PTPDC1: variants seen among roughly 807,000 people sequenced by gnomAD.
The protein encoded by PTPDC1 is protein tyrosine phosphatase domain containing 1.
In PTPDC1, 53 loss-of-function variants were observed where a neutral mutation model predicts 75.3. The ratio of observed to expected loss-of-function variants is 0.70; its 90% CI spans 0.56 to 0.88. The LOEUF is 0.88. Among genes scored for constraint, PTPDC1 ranks in the 40% least tolerant of loss-of-function variants. The probability of loss-of-function intolerance (pLI) is 0.00; values close to 1 mark genes in which losing one functional copy is unlikely to be tolerated. For synonymous variants in PTPDC1, 349 were observed against 366.2 expected (o/e 0.95, Z 0.54); for missense variants, 925 against 998.6 (o/e 0.93, Z 0.99).
intron 1 of PTPDC1, among the ~76,000 whole-genome samples, chr9:94,047,411 C>A (rs549358733): frequency 6.6e-6 from 1 of 152,098 alleles, no homozygotes; most frequent in African/African-American, 2.4e-5. Context: ...GGGACACATT[C>A]AAAGCAGTGT....
chr9:94,052,526 A>G lies in PTPDC1; in HGVS notation c.-6-12208A>G, dbSNP rs190991715. 3.1e-4 allele frequency among the ~76,000 whole-genome samples: 47 copies of G among 152,148 alleles called. No homozygotes were observed. In the East Asian group the frequency reaches 8.3e-3, roughly 27 times the overall value. ...TACTGATTTTTCTGCCTGCTTAATC[A>G]GTTACTGAGAGAAGGATGTTGAAGC... is the stretch of plus-strand genomic sequence containing the variant. On this transcript the variant is annotated intron_variant, in intron 1 of 9. Transcript: ENST00000375360.
At position 94,095,334 on chromosome 9, in the gene PTPDC1, G is replaced by C; in HGVS notation, c.634G>C (p.Gly212Arg). 3 of 1,602,322 alleles carry C rather than the reference G, an allele frequency of 1.9e-6. No individual in the cohort carries two copies. The highest frequency in any genetic ancestry group is 1.7e-5 in the Admixed American group (1 of 57,448). ...MEAGIYFYNFGWKDYGVASLT... is the reference protein window; with the variant it reads ...MEAGIYFYNFRWKDYGVASLT... ...TTTCCTAGTTTACTTCTACAATTTC[G>C]GATGGAAGGATTATGGTGTAGCGTC... The change falls in exon 5 of 9, where the codon GGA (glycine) becomes CGA (arginine). Residue 212 changes from glycine (G) to arginine (R), a missense_variant. Gly to Arg is a moderately radical substitution (Grantham distance 125). Transcript: ENST00000620992.
intron 1 of PTPDC1, among the ~76,000 whole-genome samples, chr9:94,064,102 A>T (rs1826223322): frequency 6.6e-6 from 1 of 152,172 alleles, no homozygotes; most frequent in Non-Finnish European, 1.5e-5. Flanking sequence ...ATTGAGGTAC[A>T]CTTAGGAACT....
chr9:94,065,585 A>G (rs1826276769), intron 2 of PTPDC1, among the ~76,000 whole-genome samples: 1 of 152,230 alleles, frequency 6.6e-6, no homozygotes, highest in Non-Finnish European at 1.5e-5. Context: ...TGCTAGGAAC[A>G]AGTCAGTTCT....
At chr9:94,049,581 C>T (rs975496819) in intron 1 of PTPDC1, among the ~76,000 whole-genome samples, 2 of 152,200 alleles carry the variant, frequency 1.3e-5, no homozygotes, top group Admixed American at 6.5e-5. Flanking sequence ...GCCGAGAGAT[C>T]CGCTGTTAGT....
chr9:94,079,291 G>GT (rs998615806), intron 2 of PTPDC1, among the ~76,000 whole-genome samples: 28 of 148,508 alleles, frequency 1.9e-4, no homozygotes, highest in African/African-American at 5.0e-4. Flanking sequence ...GAAGACAGTG[G>GT]TTTTTTTTTA....
rs577049855 is a variant in PTPDC1, at chr9:94,058,474, G to A, written c.-6-6260G>A. 2.5e-3 allele frequency among the ~76,000 whole-genome samples: 381 copies of A among 151,904 alleles called. 1 individual carries two copies. The highest frequency in any genetic ancestry group is 8.0e-3 in the African/African-American group (332 of 41,426). ...AACACTTTGGGAGGCTGAGGCGGGC[G>A]GATCACTTGAAGTCAGGAGTTCCAG... On this transcript the variant is annotated intron_variant, in intron 1 of 9. Coordinates refer to the PTPDC1 transcript ENST00000375360.
rs1202506540 is a variant in PTPDC1, at chr9:94,101,642, T to C, written c.2090T>C (p.Met697Thr). 1 of 1,614,040 alleles carries C rather than the reference T, an allele frequency of 6.2e-7. No individual in the cohort carries two copies. The highest frequency in any genetic ancestry group is 8.5e-7 in the Non-Finnish European group (1 of 1,179,940). The change falls in exon 7 of 9, where the codon ATG becomes ACG. Residue 697 changes from methionine to threonine, a missense_variant. Met to Thr is a moderately conservative substitution (Grantham distance 81). Coordinates refer to ENST00000620992, the MANE Select transcript of PTPDC1 (RefSeq NM_001253829.2). Reference protein sequence around the residue: ...ERDPFILCSLMWSWVEQLKEP... With the variant: ...ERDPFILCSLTWSWVEQLKEP... ...GACCCTTTCATCCTATGCAGCTTGATGTGGTCTTGGGTGGAGCAACTGAAG... is the reference window on the plus strand; with the variant it reads ...GACCCTTTCATCCTATGCAGCTTGACGTGGTCTTGGGTGGAGCAACTGAAG...
At chr9:94,105,165 C>T (rs940671448) in intron 8 of PTPDC1, among the ~76,000 whole-genome samples, 1 of 152,200 alleles carries the variant, frequency 6.6e-6, no homozygotes, top group East Asian at 1.9e-4. Context: ...CCCCTCCACT[C>T]TTTCCGGAGT....
rs754015317 is a variant in PTPDC1, at chr9:94,097,821, A to G, written c.1255A>G (p.Asn419Asp). 1 of 1,614,208 alleles carries G rather than the reference A, an allele frequency of 6.2e-7. No individual in the cohort carries two copies. Among genetic ancestry groups the G allele is most frequent in the East Asian group, 2.2e-5 (1 of 44,884 alleles). The change falls in exon 6 of 9, where the codon AAT becomes GAT. Residue 419 changes from asparagine to aspartate, a missense_variant. By Grantham distance (23) the Asn-to-Asp change is conservative (BLOSUM62 1). Coordinates refer to ENST00000620992, the MANE Select transcript of PTPDC1 (RefSeq NM_001253829.2). ...DFDNRGMIFS[N>D]EQQFDPLWKR... Reference sequence around the variant, plus strand: ...TGACAATCGAGGCATGATTTTCTCCAATGAGCAACAGTTTGACCCTCTTTG... The same window carrying G: ...TGACAATCGAGGCATGATTTTCTCCGATGAGCAACAGTTTGACCCTCTTTG...
intron 2 of PTPDC1, among the ~76,000 whole-genome samples, chr9:94,069,212 A>G (rs903977515): frequency 6.6e-6 from 1 of 152,160 alleles, no homozygotes; most frequent in Non-Finnish European, 1.5e-5. Context: ...TCATACATAT[A>G]CATATGTACC....
At chr9:94,099,523 G>A (rs1162812199) in intron 6 of PTPDC1, among the ~76,000 whole-genome samples, 1 of 152,186 alleles carries the variant, frequency 6.6e-6, no homozygotes, top group East Asian at 1.9e-4. Flanking sequence ...AATTAAGTTT[G>A]GAGCTTCACA....
Position 94,032,057 on chromosome 9 carries a change from G to A in PTPDC1, c.-7+930G>A, listed in dbSNP as rs118159881. On this transcript the variant is annotated intron_variant, in intron 1 of 9. Transcript: ENST00000375360. The stretch of plus-strand genomic sequence containing the variant: ...AAAGTGTCGTTTCATTTACTGTGTG[G>A]GAAAACAAGCTCAGAGGGTTTGGGT... 2.9e-3 allele frequency among the ~76,000 whole-genome samples: 440 copies of A among 152,218 alleles called. 3 individuals carry two copies. The highest frequency in any genetic ancestry group is 0.01 in the Admixed American group (155 of 15,292).
chr9:94,082,531 G>A (rs1018889224), upstream of PTPDC1, among the ~76,000 whole-genome samples: 1 of 152,156 alleles, frequency 6.6e-6, no homozygotes, highest in Non-Finnish European at 1.5e-5. Flanking sequence ...TATTTGTCAT[G>A]ATCAGTATCT....
rs148212239 is a variant in PTPDC1, at chr9:94,097,478, A to G, written c.912A>G (p.Ile304Met). The change falls in exon 6 of 9, where the codon ATA (isoleucine) becomes ATG (methionine). Residue 304 changes from isoleucine to methionine, a missense_variant. Transcript: ENST00000620992. Reference sequence around the variant, plus strand: ...AGTTTCTAACTCCTCTCCGCAATATATTCTCTTGCTGTGATCCCAAAGCAC... The same window carrying G: ...AGTTTCTAACTCCTCTCCGCAATATGTTCTCTTGCTGTGATCCCAAAGCAC... The part of the protein sequence containing the change: ...FTQFLTPLRN[I>M]FSCCDPKAHA... The G allele has an allele frequency of 1.9e-6, 3 of 1,614,190 alleles. No individual in the cohort carries two copies. The highest frequency in any genetic ancestry group is 2.5e-6 in the Non-Finnish European group (3 of 1,180,038).
chr9:94,073,771 T>C (rs971809396), intron 2 of PTPDC1, among the ~76,000 whole-genome samples: 1 of 152,198 alleles, frequency 6.6e-6, no homozygotes, highest in Non-Finnish European at 1.5e-5. Context: ...CCATCTTATA[T>C]ATATTTTGAT....
At chr9:94,072,885 G>A (rs1429111232) in intron 2 of PTPDC1, among the ~76,000 whole-genome samples, 2 of 152,160 alleles carry the variant, frequency 1.3e-5, no homozygotes, top group East Asian at 1.9e-4. Flanking sequence ...TGGTAGTGGT[G>A]TATAATTCTT....
intron 8 of PTPDC1, among the ~76,000 whole-genome samples, chr9:94,104,760 C>T (rs10993053): frequency 1.5e-4 from 23 of 152,170 alleles, no homozygotes; most frequent in Non-Finnish European, 2.4e-4. Context: ...AAGAAGCCAT[C>T]TATTGAGAAT....
At chr9:94,059,366 A>G (rs954423228) in intron 1 of PTPDC1, among the ~76,000 whole-genome samples, 1 of 152,234 alleles carries the variant, frequency 6.6e-6, no homozygotes. Flanking sequence ...TGGAGGGGAA[A>G]ATAAAGTGGA....
Sources: gnomAD v4.1 joint callset for allele counts (sites outside exome capture counted in the v4.1 genomes callset) on GRCh38, gnomAD v4.1.1 for gene constraint, MANE v1.5 for transcripts, NCBI Gene and HGNC (gene_info 2026-07-23, HGNC 2026-07-21) for gene names.